The following SLC34A1 variants were observed in gnomAD, a reference collection of about 807,000 sequenced individuals.
SLC34A1 encodes the protein solute carrier family 34 member 1.
A neutral mutation model predicts 51.4 loss-of-function variants in SLC34A1; 57 were observed. The observed-to-expected ratio is 1.11, with a 90% CI of 0.90 to 1.38. The LOEUF (loss-of-function observed/expected upper bound fraction) is 1.38, where lower values mean the gene tolerates loss of function less well. Among genes scored for constraint, SLC34A1 ranks in the 40% most tolerant of loss-of-function variants. The probability of loss-of-function intolerance (pLI) is 0.00; values close to 1 mark genes in which losing one functional copy is unlikely to be tolerated. For missense variants in SLC34A1, 796 were observed against 835.6 expected (o/e 0.95, Z 0.58); for synonymous variants, 368 against 358.0 (o/e 1.03, Z -0.32).
intron 2 of SLC34A1, 28 bp from the exon 3 acceptor site, chr5:177,385,959 G>A (rs532550724): frequency 1.5e-5 from 24 of 1,610,396 alleles, no homozygotes; most frequent in South Asian, 8.8e-5. Context: ...TTGGGGCCCT[G>A]GGGCTCCTGA....
rs928886890 is a variant in SLC34A1, at chr5:177,398,134, GACC to G, written c.1772_1774del (p.His591del). ...CTGGATGCACTCCCTGAAGCCCCTG[GACC>G]ACCTCATCACCCGCGCCACCCTATG... On this transcript the variant is annotated inframe_deletion, in exon 13 of 13. Coordinates refer to ENST00000324417, the MANE Select transcript of SLC34A1 (RefSeq NM_003052.5). The surrounding 1 kb of genome is among the most constrained non-coding windows in gnomAD (Gnocchi z 4.7). The G allele has an allele frequency of 6.2e-7, 1 of 1,611,406 alleles. No homozygotes were observed. The highest frequency in any genetic ancestry group is 1.3e-5 in the African/African-American group (1 of 74,982).
chr5:177,393,834 C>T, intron 9 of SLC34A1, 71 bp downstream of exon 9: 1 of 1,542,778 alleles, frequency 6.5e-7, no homozygotes, highest in Admixed American at 1.7e-5. Context: ...GGCAATCCCA[C>T]ACAGCCACTA....
At chr5:177,385,526 G>C (rs1009801780) in intron 1 of SLC34A1, among the ~76,000 whole-genome samples, 169 bp from the exon 2 acceptor site, 4 of 152,008 alleles carry the variant, frequency 2.6e-5, no homozygotes, top group Admixed American at 1.3e-4. Context: ...TGGAGGGTGT[G>C]GTTTGCTGGG....
intron 8 of SLC34A1, among the ~76,000 whole-genome samples, chr5:177,391,002 G>A (rs184476788): frequency 8.5e-5 from 13 of 152,272 alleles, no homozygotes; most frequent in Middle Eastern, 3.4e-3. Flanking sequence ...AGCTGGGAAC[G>A]GCTCAGCTGG....
At chr5:177,393,967 C>A (rs1762882452) in intron 9 of SLC34A1, 61 bp from the exon 10 acceptor site, 1 of 1,607,788 alleles carries the variant, frequency 6.2e-7, no homozygotes, top group Non-Finnish European at 8.5e-7. Context: ...AACTGGGTGG[C>A]AAAGGTGGGG....
chr5:177,395,047 C>G (rs1762917422), intron 10 of SLC34A1, among the ~76,000 whole-genome samples: 1 of 151,982 alleles, frequency 6.6e-6, no homozygotes, highest in Admixed American at 6.6e-5. Flanking sequence ...GTGGTGTGCT[C>G]CTATAGTCCC....
chr5:177,385,821 C>T lies in SLC34A1; in HGVS notation c.80C>T (p.Thr27Met), dbSNP rs139640340. Reference protein sequence around the residue: ...PVRGGHVMRGTAFAYVPSPQV... With the variant: ...PVRGGHVMRGMAFAYVPSPQV... ...CGTGGGGGGCATGTGATGCGAGGGA[C>T]GGCCTTTGCCTACGTGCCCAGCCCT... is the stretch of plus-strand genomic sequence containing the variant. Residue 27 changes from threonine to methionine, a missense_variant, in exon 2 of 13, where the codon ACG (threonine) becomes ATG (methionine). By Grantham distance (81) the Thr-to-Met change is moderately conservative (BLOSUM62 -1). Coordinates refer to ENST00000324417, the MANE Select transcript of SLC34A1 (RefSeq NM_003052.5). 52 of 1,613,402 alleles carry T rather than the reference C, an allele frequency of 3.2e-5. 1 individual carries two copies. Among genetic ancestry groups the T allele is most frequent in the Middle Eastern group, 1.6e-4 (1 of 6,082 alleles).
In SLC34A1 at chr5:177,398,826, GGA is replaced by G; in HGVS notation, c.*541_*542del. 1 of 164,342 alleles carries G rather than the reference GGA, an allele frequency of 6.1e-6. No individual in the cohort carries two copies. The highest frequency in any genetic ancestry group is 1.4e-5 in the Non-Finnish European group (1 of 73,822). 10.2% of individuals were successfully genotyped at this position (164,342 alleles called of 1,614,324 possible). A position where few individuals can be genotyped will look rare whatever the true frequency, so the allele number is the denominator to read the frequency against. On this transcript the variant is annotated 3_prime_UTR_variant, in exon 13 of 13. Coordinates refer to ENST00000324417, the MANE Select transcript of SLC34A1 (RefSeq NM_003052.5). The surrounding 1 kb of genome is among the most constrained non-coding windows in gnomAD (Gnocchi z 4.7). The stretch of plus-strand genomic sequence containing the variant: ...ACTTGCCTGATGGAAAAAAAACAAA[GGA>G]ATTAAAACTCTCCTCAGGCATTCGG...
chr5:177,393,809 G>C, intron 9 of SLC34A1, 46 bp downstream of exon 9: 2 of 1,597,736 alleles, frequency 1.3e-6, no homozygotes, highest in Non-Finnish European at 1.7e-6. Flanking sequence ...CAGGGGCAGA[G>C]CCTAGCAGTG....
At chr5:177,391,688 T>C (rs975697788) in intron 8 of SLC34A1, among the ~76,000 whole-genome samples, 1 of 152,152 alleles carries the variant, frequency 6.6e-6, no homozygotes, top group African/African-American at 2.4e-5. Flanking sequence ...CTCCCAACCA[T>C]GTGATCCTGA....
intron 9 of SLC34A1, 107 bp downstream of exon 9, chr5:177,393,870 C>T: frequency 6.8e-7 from 1 of 1,479,114 alleles, no homozygotes; most frequent in East Asian, 2.3e-5. Context: ...GGAAGCATGG[C>T]TGTCAACTAG....
chr5:177,386,150 G>C lies in SLC34A1; in HGVS notation c.259+14G>C, dbSNP rs951426002. 1.1e-5 allele frequency: 17 copies of C among 1,613,842 alleles called. No homozygotes were observed. The East Asian group carries it at 3.8e-4, about 36-fold the overall frequency. On this transcript the variant is annotated intron_variant, in intron 3 of 12. Coordinates refer to ENST00000324417, the MANE Select transcript of SLC34A1 (RefSeq NM_003052.5). This position sits in a 1 kb window ranked among gnomAD's most constrained non-coding sequence, Gnocchi z 4.8. ...AGCAGAAGCCAGGTGGGCCTGGGCTGGGGGTGGCAGAGGCGGCAGCAGTCC... is the reference window on the plus strand; with the variant it reads ...AGCAGAAGCCAGGTGGGCCTGGGCTCGGGGTGGCAGAGGCGGCAGCAGTCC...
rs1561629059 is a variant in SLC34A1 at position 177,388,129 on chromosome 5, C to T, written c.780C>T (p.Gly260=). ...TGGCCTCCTTCAACATCCATGGTGG[C>T]CGTGATGCTCCTGACCTGCTCAAGA... ...LVVASFNIHG[G]RDAPDLLKII... is the part of the protein sequence containing the mutation. The change falls in exon 7 of 13, where the codon GGC becomes GGT. Residue 260 remains glycine, a synonymous_variant. Transcript: ENST00000324417. The surrounding 1 kb of genome is among the most constrained non-coding windows in gnomAD (Gnocchi z 4.3). 1.9e-6 allele frequency: 3 copies of T among 1,614,044 alleles called. No homozygotes were observed. The African/African-American group carries it at 4.0e-5, about 22-fold the overall frequency.
chr5:177,393,983 G>T, intron 9 of SLC34A1, 45 bp from the exon 10 acceptor site: 1 of 1,613,012 alleles, frequency 6.2e-7, no homozygotes, highest in Non-Finnish European at 8.5e-7. Flanking sequence ...TGGGGACCTG[G>T]GAGCCAGGTG....
chr5:177,394,783 TC>T (rs1471258971), intron 10 of SLC34A1, among the ~76,000 whole-genome samples: 1 of 140,650 alleles, frequency 7.1e-6, no homozygotes, highest in African/African-American at 2.7e-5. Context: ...AACCTCCACC[TC>T]CAGGGTTCAA....
chr5:177,384,885 C>T (rs1243778697), intron 1 of SLC34A1, among the ~76,000 whole-genome samples: 1 of 151,656 alleles, frequency 6.6e-6, no homozygotes, highest in Non-Finnish European at 1.5e-5. Flanking sequence ...AAAAAGGACT[C>T]CTGCTCCTTC....
intron 8 of SLC34A1, among the ~76,000 whole-genome samples, chr5:177,390,781 T>A (rs1762776474): frequency 6.6e-6 from 1 of 152,104 alleles, no homozygotes; most frequent in South Asian, 2.1e-4. Context: ...GCCCACATCC[T>A]GACAGTCTCC....
intron 5 of SLC34A1, among the ~76,000 whole-genome samples, chr5:177,387,137 G>A (rs537885358): frequency 2.6e-5 from 4 of 151,922 alleles, no homozygotes; most frequent in Non-Finnish European, 4.4e-5. Context: ...TTGGGAGGCT[G>A]AGGGGGGCAG....
At chr5:177,392,259 C>T (rs1488494463) in intron 8 of SLC34A1, among the ~76,000 whole-genome samples, 2 of 152,270 alleles carry the variant, frequency 1.3e-5, no homozygotes, top group African/African-American at 4.8e-5. Flanking sequence ...GTCAGGAGTT[C>T]GAGATCAGCC....
Sources: gnomAD v4.1 joint callset for allele counts (sites outside exome capture counted in the v4.1 genomes callset) on GRCh38, gnomAD v4.1.1 for gene constraint, Gnocchi (gnomAD v3.1) non-coding constraint, MANE v1.5 for transcripts, NCBI Gene and HGNC (gene_info 2026-07-23, HGNC 2026-07-21) for gene names.